Variants in GALNT13 observed in about 807,000 individuals in gnomAD.
GALNT13 encodes polypeptide N-acetylgalactosaminyltransferase 13.
GALNT13 carries 28 observed loss-of-function variants against 64.2 expected under a neutral mutation model. The ratio of observed to expected loss-of-function variants is 0.44; its 90% CI spans 0.32 to 0.60. The LOEUF (loss-of-function observed/expected upper bound fraction) is 0.60. GALNT13 is among the 20% of genes least tolerant of loss of function. The probability of loss-of-function intolerance (pLI) is 0.05; values close to 1 mark genes in which losing one functional copy is unlikely to be tolerated. For synonymous variants in GALNT13, 214 were observed against 224.6 expected, an observed-to-expected ratio of 0.95 and a Z score of 0.42; for missense variants, 577 against 669.8, an observed-to-expected ratio of 0.86 and a Z score of 1.53.
intron 4 of GALNT13, among the ~76,000 whole-genome samples, chr2:154,221,335 A>G (rs549428944): frequency 6.6e-6 from 1 of 152,212 alleles, no homozygotes; most frequent in Admixed American, 6.6e-5. Flanking sequence ...TTTAAAGTGA[A>G]TGATCCTCAC....
In GALNT13 at chr2:154,450,713, C is replaced by A; in HGVS notation, c.*162C>A. The A allele has an allele frequency of 1.6e-6, 1 of 637,676 alleles. No homozygotes were observed. The highest frequency in any genetic ancestry group is 2.5e-6 in the Non-Finnish European group (1 of 396,670). The allele number at this position is 637,676 out of a possible 1,614,324, so 39.5% of individuals were successfully genotyped here. ...CGTTTCTAGAAATGTTTGCTTATTT[C>A]CCTACTAAAATTTGTATCTGATCAA... On this transcript the variant is annotated 3_prime_UTR_variant, in exon 13 of 13. Transcript: ENST00000392825.
At chr2:154,187,179 C>T (rs1345531042) in intron 4 of GALNT13, among the ~76,000 whole-genome samples, 1 of 152,000 alleles carries the variant, frequency 6.6e-6, no homozygotes, top group African/African-American at 2.4e-5. Context: ...TGATAAAGCT[C>T]TTCAACCTGG....
chr2:153,663,280 G>A, the GALNT13 span, among the ~76,000 whole-genome samples: 2 of 152,132 alleles, frequency 1.3e-5, no homozygotes, highest in Admixed American at 6.6e-5. Context: ...TGTGAAATGT[G>A]CTCTGTAAAA....
chr2:154,163,398 A>T (rs1684851292), intron 4 of GALNT13, among the ~76,000 whole-genome samples: 1 of 152,058 alleles, frequency 6.6e-6, no homozygotes, highest in Non-Finnish European at 1.5e-5. Flanking sequence ...TGCAATAAAA[A>T]ATGATAAAGG....
the GALNT13 span, among the ~76,000 whole-genome samples, chr2:153,463,469 G>T: frequency 2.0e-5 from 3 of 152,028 alleles, no homozygotes; most frequent in Non-Finnish European, 4.4e-5. Flanking sequence ...CTAAATAGAT[G>T]TATCTCCCTG....
At chr2:153,227,247 T>C in the GALNT13 span, among the ~76,000 whole-genome samples, 247 of 152,324 alleles carry the variant, frequency 1.6e-3, no homozygotes, top group African/African-American at 5.7e-3. Context: ...TCAGTGATTA[T>C]ATAGTATTCT....
the GALNT13 span, among the ~76,000 whole-genome samples, chr2:153,645,148 C>T: frequency 1.3e-5 from 2 of 152,106 alleles, no homozygotes; most frequent in Admixed American, 1.3e-4. Flanking sequence ...CTTGAGATTA[C>T]ATCTTATAAG....
At chr2:153,431,225 A>G in the GALNT13 span, among the ~76,000 whole-genome samples, 1 of 151,498 alleles carries the variant, frequency 6.6e-6, no homozygotes, top group Non-Finnish European at 1.5e-5. Flanking sequence ...CTGATGTTAT[A>G]GTTGCCTAGT....
chr2:153,580,583 G>A, the GALNT13 span, among the ~76,000 whole-genome samples: 1 of 152,122 alleles, frequency 6.6e-6, no homozygotes. Flanking sequence ...GGACAGAAGA[G>A]AATATAATTT....
chr2:154,440,975 C>T (rs1245117027), intron 12 of GALNT13, among the ~76,000 whole-genome samples: 1 of 152,042 alleles, frequency 6.6e-6, no homozygotes, highest in African/African-American at 2.4e-5. Context: ...CAGAATGGTT[C>T]CACCCCTTGC....
At chr2:153,901,237 G>A (rs1217800412) in intron 2 of GALNT13, among the ~76,000 whole-genome samples, 1 of 152,144 alleles carries the variant, frequency 6.6e-6, no homozygotes, top group Non-Finnish European at 1.5e-5. Context: ...CAGCCCTGTG[G>A]TATAGTTTGA....
chr2:153,933,959 T>C (rs907556832), intron 2 of GALNT13, among the ~76,000 whole-genome samples: 2 of 152,140 alleles, frequency 1.3e-5, no homozygotes, highest in Admixed American at 1.3e-4. Context: ...TACTGAAAAG[T>C]CCATTATTAA....
chr2:153,767,288 C>G, the GALNT13 span, among the ~76,000 whole-genome samples: 20 of 152,132 alleles, frequency 1.3e-4, no homozygotes, highest in Non-Finnish European at 2.4e-4. Flanking sequence ...TGAATTTATT[C>G]TTTTTATGGC....
intron 1 of GALNT13, among the ~76,000 whole-genome samples, chr2:153,900,023 C>T (rs990026742): frequency 2.1e-4 from 32 of 149,688 alleles, no homozygotes; most frequent in African/African-American, 6.6e-4. Flanking sequence ...GCAACCTCCG[C>T]CTCCTGGGTT....
chr2:153,338,132 C>T, the GALNT13 span, among the ~76,000 whole-genome samples: 1 of 148,254 alleles, frequency 6.7e-6, no homozygotes, highest in Non-Finnish European at 1.5e-5. Flanking sequence ...TCTCTACAAA[C>T]AATAAAAAAA....
chr2:153,969,196 G>T (rs1257487041), intron 3 of GALNT13, among the ~76,000 whole-genome samples: 2 of 151,814 alleles, frequency 1.3e-5, no homozygotes, highest in Non-Finnish European at 2.9e-5. Flanking sequence ...ATTTTTTGAG[G>T]ATTAAAGAGG....
chr2:153,687,453 C>G, the GALNT13 span, among the ~76,000 whole-genome samples: 3 of 152,016 alleles, frequency 2.0e-5, no homozygotes, highest in South Asian at 6.2e-4. Context: ...ATGATATTCT[C>G]TGATGGTGTT....
At chr2:154,134,845 A>G (rs1462056923) in intron 3 of GALNT13, among the ~76,000 whole-genome samples, 1 of 152,154 alleles carries the variant, frequency 6.6e-6, no homozygotes, top group Non-Finnish European at 1.5e-5. Context: ...TACAAAAATT[A>G]GCTGGTGACG....
At chr2:153,871,897 A>AG (rs1685969490), upstream of GALNT13, 1 of 2,882 alleles carries the variant, frequency 3.5e-4, no homozygotes, top group Non-Finnish European at 7.1e-4. Flanking sequence ...CTGGGGTGGG[A>AG]GGGGGGCGGG....
Sources: allele counts gnomAD v4.1 joint callset (sites outside exome capture counted in the v4.1 genomes callset), GRCh38; gene constraint gnomAD v4.1.1; transcripts MANE v1.5; gene names NCBI Gene and HGNC (gene_info 2026-07-23, HGNC 2026-07-21).